The following ABCA13 variants were observed in gnomAD, a reference collection of about 807,000 sequenced individuals.
ABCA13 encodes the protein ATP-binding cassette sub-family A member 13.
Under a neutral mutation model 478.7 loss-of-function variants are expected in ABCA13, and 476 were observed. That is an observed-to-expected ratio of 0.99 (90% CI 0.92 to 1.07). The LOEUF (loss-of-function observed/expected upper bound fraction) is 1.07, where lower values mean the gene tolerates loss of function less well. Ranked by LOEUF, ABCA13 falls within the 50% of genes least tolerant of loss-of-function variation. The probability of loss-of-function intolerance (pLI) is 0.00; values close to 1 mark genes in which losing one functional copy is unlikely to be tolerated. For missense variants in ABCA13, 6,060 were observed against 5,910.6 expected, an observed-to-expected ratio of 1.03 and a Z score of -0.83; for synonymous variants, 2,252 against 2,158.9, an observed-to-expected ratio of 1.04 and a Z score of -1.20.
At chr7:48,233,916 T>G (rs1199157437) in intron 7 of ABCA13, 102 bp from the exon 8 acceptor site, 2 of 1,357,372 alleles carry the variant, frequency 1.5e-6, no homozygotes, top group African/African-American at 2.9e-5. Flanking sequence ...CTTCATTTGC[T>G]CTTCCTTTAG....
chr7:48,547,680 C>T, intron 55 of ABCA13, among the ~76,000 whole-genome samples: 1 of 151,848 alleles, frequency 6.6e-6, no homozygotes, highest in East Asian at 1.9e-4. Flanking sequence ...CAGTGAGTAC[C>T]ATACTTTGGG....
At chr7:48,611,717 C>T (rs988523843) in intron 58 of ABCA13, among the ~76,000 whole-genome samples, 3 of 152,204 alleles carry the variant, frequency 2.0e-5, no homozygotes, top group Non-Finnish European at 4.4e-5. Context: ...CAGGCCCCTC[C>T]TCCAACACAG....
chr7:48,571,588 A>T (rs1787654389), intron 55 of ABCA13, among the ~76,000 whole-genome samples: 1 of 150,912 alleles, frequency 6.6e-6, no homozygotes, highest in South Asian at 2.1e-4. Context: ...CTTCCTGGAG[A>T]TTCTTTTTAC....
At chr7:48,194,997 A>G (rs759861894) in intron 2 of ABCA13, among the ~76,000 whole-genome samples, 38 of 152,200 alleles carry the variant, frequency 2.5e-4, no homozygotes, top group Middle Eastern at 3.2e-3. Flanking sequence ...AATTGCCATG[A>G]TGGGATTTTA....
chr7:48,557,392 T>A (rs1785949466), intron 55 of ABCA13, among the ~76,000 whole-genome samples: 1 of 152,168 alleles, frequency 6.6e-6, no homozygotes, highest in Non-Finnish European at 1.5e-5. Context: ...CTGTTATTGA[T>A]GAAATCATTC....
intron 27 of ABCA13, among the ~76,000 whole-genome samples, chr7:48,328,744 TA>T (rs559858126): frequency 2.0e-5 from 3 of 152,042 alleles, no homozygotes; most frequent in East Asian, 3.9e-4. Flanking sequence ...CAAAAAATAA[TA>T]AAAAAACCCA....
intron 33 of ABCA13, 136 bp from the exon 34 acceptor site, chr7:48,374,211 C>A: frequency 1.4e-6 from 1 of 704,776 alleles, no homozygotes; most frequent in Non-Finnish European, 2.4e-6. Context: ...ATTTAAATGA[C>A]TGCCTGAAGC....
At chr7:48,435,237 TC>T (rs1822677601) in intron 42 of ABCA13, among the ~76,000 whole-genome samples, 1 of 151,826 alleles carries the variant, frequency 6.6e-6, no homozygotes, top group Admixed American at 6.6e-5. Flanking sequence ...TTAAGTTAAT[TC>T]TTTAGTATTT....
At chr7:48,263,037 G>A (rs779409356) in intron 15 of ABCA13, among the ~76,000 whole-genome samples, 4 of 151,878 alleles carry the variant, frequency 2.6e-5, no homozygotes, top group Non-Finnish European at 4.4e-5. Flanking sequence ...TCTTTTGCTT[G>A]TGTTGCATGT....
At chr7:48,454,887 G>T in intron 42 of ABCA13, 150 bp from the exon 43 acceptor site, 1 of 1,124,294 alleles carries the variant, frequency 8.9e-7, no homozygotes, top group African/African-American at 1.6e-5. Flanking sequence ...GTGCATAAAG[G>T]GGACACTCAA....
At position 48,278,114 on chromosome 7, in the gene ABCA13, T is replaced by G. The variant is rs773241109; in HGVS notation, c.6920T>G (p.Ile2307Ser). 4.5e-5 allele frequency: 60 copies of G among 1,333,454 alleles called. No homozygotes were observed. The highest frequency in any genetic ancestry group is 5.8e-5 in the Non-Finnish European group (59 of 1,010,540). The allele number at this position is 1,333,454 out of a possible 1,614,324, so 82.6% of individuals were successfully genotyped here. A position where few individuals can be genotyped will look rare whatever the true frequency, so the allele number is the denominator to read the frequency against. Residue 2307 changes from isoleucine (I) to serine (S), a missense_variant, in exon 18 of 62, where the codon ATT (isoleucine) becomes AGT (serine). Physicochemically the swap from Ile to Ser is moderately radical, Grantham distance 142. Around this residue, in one of 3 missense-constraint regions of ABCA13, gnomAD observed 4,423 missense variants for 4,309.1 expected, o/e 1.03. Transcript: ENST00000435803. Reference protein sequence around the residue: ...AEMSFVPKDKILEILKLDQFL... With the variant: ...AEMSFVPKDKSLEILKLDQFL... Reference sequence around the variant, plus strand: ...TACAGTTTTGTCCCAAAAGATAAAATTCTAGAAATTCTGAAACTGGATCAA... The same window carrying G: ...TACAGTTTTGTCCCAAAAGATAAAAGTCTAGAAATTCTGAAACTGGATCAA...
intron 7 of ABCA13, among the ~76,000 whole-genome samples, chr7:48,233,700 G>T (rs1344784011): frequency 2.6e-5 from 4 of 152,152 alleles, no homozygotes; most frequent in African/African-American, 9.7e-5. Flanking sequence ...ATCTGATTAA[G>T]CTTCTTGAGA....
chr7:48,610,668 C>T (rs776574383), intron 58 of ABCA13, among the ~76,000 whole-genome samples: 5 of 152,214 alleles, frequency 3.3e-5, no homozygotes, highest in Non-Finnish European at 5.9e-5. Context: ...TCCATACATC[C>T]TCTGAAATCT....
chr7:48,451,373 A>C (rs149411339), intron 42 of ABCA13, among the ~76,000 whole-genome samples: 2,604 of 152,206 alleles, frequency 0.017, 83 homozygotes, highest in African/African-American at 0.059. Context: ...TCTTGTATTG[A>C]GATAAAGCAG....
At chr7:48,264,379 T>C (rs1794600555) in intron 15 of ABCA13, among the ~76,000 whole-genome samples, 1 of 151,930 alleles carries the variant, frequency 6.6e-6, no homozygotes, top group South Asian at 2.1e-4. Flanking sequence ...AAAGTCATTG[T>C]ACCCTTTTAC....
chr7:48,287,080 G>A (rs780560499), intron 19 of ABCA13, among the ~76,000 whole-genome samples: 1 of 141,520 alleles, frequency 7.1e-6, no homozygotes, highest in Non-Finnish European at 1.5e-5. Context: ...CAGCAGGGAG[G>A]GGAGGGGCTT....
chr7:48,517,098 A>G (rs565514109), intron 52 of ABCA13, among the ~76,000 whole-genome samples: 170 of 152,348 alleles, frequency 1.1e-3, no homozygotes, highest in African/African-American at 3.8e-3. Context: ...ATTGACGAAA[A>G]AATGTTCTGT....
intron 31 of ABCA13, among the ~76,000 whole-genome samples, chr7:48,353,290 C>CA (rs934906660): frequency 6.6e-5 from 10 of 151,656 alleles, no homozygotes; most frequent in Admixed American, 6.6e-4. Context: ...TTCTCATAAG[C>CA]ATTCTGCTCC....
intron 3 of ABCA13, among the ~76,000 whole-genome samples, chr7:48,199,514 A>G (rs953866547): frequency 5.3e-5 from 8 of 152,176 alleles, no homozygotes; most frequent in African/African-American, 1.4e-4. Context: ...TCACGATCCA[A>G]TCACCTCCGC....
Sources: allele counts gnomAD v4.1 joint callset (sites outside exome capture counted in the v4.1 genomes callset), GRCh38; gene constraint gnomAD v4.1.1; regional missense constraint gnomAD v4.1.1; transcripts MANE v1.5; gene names NCBI Gene and HGNC (gene_info 2026-07-23, HGNC 2026-07-21).